Variants in SLX4IP observed in about 807,000 individuals in gnomAD.
SLX4IP encodes protein SLX4IP.
SLX4IP carries 34 observed loss-of-function variants against 32.9 expected under a neutral mutation model. The ratio of observed to expected loss-of-function variants is 1.03; its 90% CI spans 0.79 to 1.38. The LOEUF is 1.38. SLX4IP is among the 40% of genes most tolerant of loss of function. The pLI is 0.00. For missense variants in SLX4IP, 444 were observed against 479.0 expected, an observed-to-expected ratio of 0.93 and a Z score of 0.68; for synonymous variants, 172 against 171.7, an observed-to-expected ratio of 1.00 and a Z score of -0.01.
intron 2 of SLX4IP, among the ~76,000 whole-genome samples, chr20:10,461,887 C>T (rs1334160267): frequency 1.3e-5 from 2 of 152,160 alleles, no homozygotes; most frequent in Non-Finnish European, 2.9e-5. Context: ...AAGCAGTCCT[C>T]CTGCCTTAGC....
At chr20:10,617,652 CTTTTTTTT>C (rs549525000) in intron 6 of SLX4IP, among the ~76,000 whole-genome samples, 7 of 112,748 alleles carry the variant, frequency 6.2e-5, no homozygotes, top group Non-Finnish European at 7.1e-5. Context: ...TTCTTTCTTT[CTTTTTTTT>C]TTTTTTTTTT....
intron 2 of SLX4IP, among the ~76,000 whole-genome samples, chr20:10,528,803 G>A (rs1196661633): frequency 6.6e-6 from 1 of 152,138 alleles, no homozygotes; most frequent in African/African-American, 2.4e-5. Context: ...ATTTCCCTGG[G>A]CTCAACATAC....
chr20:10,625,045 A>AG lies in SLX4IP; in HGVS notation c.*1670dup, dbSNP rs150433735. 3,652 of 152,300 alleles carry AG rather than the reference A, an allele frequency of 0.024. 100 individuals carry two copies. The highest frequency in any genetic ancestry group is 0.088 in the Admixed American group (1,344 of 15,282). The allele number at this position is 152,300 out of a possible 1,614,324, so 9.4% of individuals were successfully genotyped here. On this transcript the variant is annotated 3_prime_UTR_variant, in exon 8 of 8. Coordinates refer to ENST00000334534, the MANE Select transcript of SLX4IP (RefSeq NM_001009608.3). ...TTCCTGCTCCCAGCGGAACCCAGTC[A>AG]GGGGATTCTATAGGAGAAGAGGGAG...
At chr20:10,507,317 G>A (rs1460165275) in intron 2 of SLX4IP, among the ~76,000 whole-genome samples, 1 of 152,128 alleles carries the variant, frequency 6.6e-6, no homozygotes, top group East Asian at 1.9e-4. Context: ...GAACAGCAGG[G>A]CCAAAGACCA....
chr20:10,477,258 T>C (rs2065483209), intron 2 of SLX4IP, among the ~76,000 whole-genome samples: 2 of 152,156 alleles, frequency 1.3e-5, no homozygotes, highest in African/African-American at 4.8e-5. Flanking sequence ...GTGATTCTTC[T>C]GCCTCAGCCT....
At chr20:10,457,230 G>A (rs1285558812) in intron 1 of SLX4IP, among the ~76,000 whole-genome samples, 4 of 151,956 alleles carry the variant, frequency 2.6e-5, no homozygotes, top group African/African-American at 7.3e-5. Context: ...GCCTTAGTTA[G>A]AACCTTTAGT....
chr20:10,623,502 G>C lies in SLX4IP; in HGVS notation c.*123G>C. On this transcript the variant is annotated 3_prime_UTR_variant, in exon 8 of 8. Coordinates refer to ENST00000334534, the MANE Select transcript of SLX4IP (RefSeq NM_001009608.3). ...TTAGAATGACTAATTTAAATAGGAA[G>C]TGTGTTATCTGTGTTATGGCTATGG... The C allele has an allele frequency of 7.3e-7, 1 of 1,372,376 alleles. No individual in the cohort carries two copies. Among genetic ancestry groups the C allele is most frequent in the Non-Finnish European group, 9.7e-7 (1 of 1,028,628 alleles). The allele number at this position is 1,372,376 out of a possible 1,614,324, so 85.0% of individuals were successfully genotyped here. A position where few individuals can be genotyped will look rare whatever the true frequency, so the allele number is the denominator to read the frequency against.
intron 2 of SLX4IP, among the ~76,000 whole-genome samples, chr20:10,517,758 G>T (rs1442163040): frequency 6.6e-6 from 1 of 152,128 alleles, no homozygotes; most frequent in Non-Finnish European, 1.5e-5. Context: ...GTGGAGAAGC[G>T]ACCTGGGCTG....
chr20:10,611,313 A>T (rs758364163), intron 6 of SLX4IP, among the ~76,000 whole-genome samples: 7 of 152,204 alleles, frequency 4.6e-5, no homozygotes, highest in Non-Finnish European at 8.8e-5. Flanking sequence ...TTTTCACGAG[A>T]CAGCAAGGCC....
chr20:10,586,463 A>C (rs183691384), intron 4 of SLX4IP, among the ~76,000 whole-genome samples: 18 of 152,294 alleles, frequency 1.2e-4, no homozygotes, highest in Admixed American at 1.0e-3. Context: ...GATTGGCTGA[A>C]GCTCCATTCA....
rs553422572 is a variant in SLX4IP, at chr20:10,591,121, AC to A, written c.239-7551del. Among the ~76,000 whole-genome samples, 326 of 152,294 alleles carry A rather than the reference AC, an allele frequency of 2.1e-3. 2 individuals are homozygous for A. The highest frequency in any genetic ancestry group is 3.4e-3 in the Middle Eastern group (1 of 294). ...AGCTCTCTCCAGTTTTCCAGTCAGA[AC>A]CCAACCCTTTTCCTGTTACCTGTCT... On this transcript the variant is annotated intron_variant, in intron 4 of 7. Coordinates refer to ENST00000334534, the MANE Select transcript of SLX4IP (RefSeq NM_001009608.3).
At position 10,538,281 on chromosome 20, in the gene SLX4IP, AAGGTTTT is replaced by A. The variant is rs561040610; in HGVS notation, c.28-17947_28-17941del. Among the ~76,000 whole-genome samples, 257 of 98,320 alleles carry A rather than the reference AAGGTTTT, an allele frequency of 2.6e-3. 8 individuals are homozygous for A. In the Admixed American group the frequency reaches 0.026, roughly 10 times the overall value. 64.5% of individuals were successfully genotyped at this position (98,320 alleles called of 152,430 possible). A position where few individuals can be genotyped will look rare whatever the true frequency, so the allele number is the denominator to read the frequency against. Reference sequence around the variant, plus strand: ...GGCTAAGTCAGCTGGCTCCATGCAGAAGGTTTTAGACAAGGTTTCTCTACTTTGGCAC... The same window carrying A: ...GGCTAAGTCAGCTGGCTCCATGCAGAAGACAAGGTTTCTCTACTTTGGCAC... On this transcript the variant is annotated intron_variant, in intron 2 of 7. Coordinates refer to ENST00000334534, the MANE Select transcript of SLX4IP (RefSeq NM_001009608.3).
chr20:10,481,365 T>A (rs1420293410), intron 2 of SLX4IP, among the ~76,000 whole-genome samples: 1 of 152,214 alleles, frequency 6.6e-6, no homozygotes, highest in Non-Finnish European at 1.5e-5. Flanking sequence ...TTGTCTCATA[T>A]CTTGGAATCC....
At chr20:10,585,920 A>G (rs2066640843) in intron 4 of SLX4IP, among the ~76,000 whole-genome samples, 1 of 152,116 alleles carries the variant, frequency 6.6e-6, no homozygotes, top group African/African-American at 2.4e-5. Flanking sequence ...TTGGCTTTCC[A>G]AACAGCTTCA....
chr20:10,621,456 C>T (rs73896598), intron 7 of SLX4IP, 42 bp downstream of exon 7: 2 of 1,550,034 alleles, frequency 1.3e-6, no homozygotes, highest in Non-Finnish European at 8.9e-7. Flanking sequence ...TTGCCTGTCT[C>T]TATGTATGGA....
At chr20:10,453,307 C>CGTGTGTGTGTATGTGT (rs71311136) in intron 1 of SLX4IP, among the ~76,000 whole-genome samples, 69 of 142,962 alleles carry the variant, frequency 4.8e-4, no homozygotes, top group Admixed American at 1.5e-3. Flanking sequence ...AAAACTCATC[C>CGTGTGTGTGTATGTGT]GTGTGTGTGT....
chr20:10,436,847 T>A (rs887004764), intron 1 of SLX4IP, among the ~76,000 whole-genome samples: 1 of 152,184 alleles, frequency 6.6e-6, no homozygotes, highest in African/African-American at 2.4e-5. Flanking sequence ...TATACTTATA[T>A]GTAATTTCTG....
At position 10,621,400 on chromosome 20, in the gene SLX4IP, T is replaced by A. The variant is rs765183601; in HGVS notation, c.492T>A (p.Asn164Lys). The change falls in exon 7 of 8, where the codon AAT becomes AAA. Residue 164 changes from asparagine to lysine, a missense_variant. By Grantham distance (94) the Asn-to-Lys change is moderately conservative. Transcript: ENST00000334534. ...CTCCCAGTGCAAAGCTCCGGAGAAATGCTCTGAAAGAAATGTAGGTGCAAT... is the reference window on the plus strand; with the variant it reads ...CTCCCAGTGCAAAGCTCCGGAGAAAAGCTCTGAAAGAAATGTAGGTGCAAT... ...SLPPSAKLRR[N>K]ALKEIVKRTE... is the part of the protein sequence containing the mutation. 6.2e-7 allele frequency: 1 copy of A among 1,614,186 alleles called. No homozygotes were observed. Among genetic ancestry groups the A allele is most frequent in the South Asian group, 1.1e-5 (1 of 91,084 alleles).
chr20:10,530,242 C>A (rs927357990), intron 2 of SLX4IP, among the ~76,000 whole-genome samples: 8 of 152,182 alleles, frequency 5.3e-5, no homozygotes, highest in Non-Finnish European at 1.0e-4. Context: ...CTGGTCCTTT[C>A]ATTTGTTGGT....
Sources: allele counts gnomAD v4.1 joint callset (sites outside exome capture counted in the v4.1 genomes callset), GRCh38; gene constraint gnomAD v4.1.1; transcripts MANE v1.5; gene names NCBI Gene and HGNC (gene_info 2026-07-23, HGNC 2026-07-21).